Variants in TRIM45 observed in about 807,000 individuals in gnomAD.
The protein encoded by TRIM45 is tripartite motif containing 45.
In TRIM45, 45 loss-of-function variants were observed where a neutral mutation model predicts 46.7. That is an observed-to-expected ratio of 0.96 (90% confidence interval 0.76 to 1.24). The LOEUF is 1.24. Ranked by LOEUF, TRIM45 falls within the 50% of genes most tolerant of loss-of-function variation. The pLI, the probability that TRIM45 is intolerant of heterozygous loss-of-function variation, is 0.00. For missense variants in TRIM45, 680 were observed against 728.4 expected, an observed-to-expected ratio of 0.93 and a Z score of 0.77; for synonymous variants, 259 against 285.8, an observed-to-expected ratio of 0.91 and a Z score of 0.94.
In TRIM45 at chr1:117,121,052, G is replaced by A. The variant is rs1224280227; in HGVS notation, c.150C>T (p.Thr50=). 6.2e-7 allele frequency: 1 copy of A among 1,614,026 alleles called. No homozygotes were observed. Among genetic ancestry groups the A allele is most frequent in the Admixed American group, 1.7e-5 (1 of 60,012 alleles). ...RLLPCLHTVC[T]TCLEQLEPFS... ...AGGGCTCCAGCTGCTCCAGACACGT[G>A]GTGCAAACTGTATGCAAACAAGGCA... The change falls in exon 1 of 6, where the codon ACC becomes ACT. Residue 50 remains threonine (T), a synonymous_variant. Coordinates refer to ENST00000256649, the MANE Select transcript of TRIM45 (RefSeq NM_025188.4). The surrounding 1 kb of genome is among the most constrained non-coding windows in gnomAD (Gnocchi z 4.2).
At chr1:117,120,643 C>G (rs1261252274) in intron 1 of TRIM45, 71 bp downstream of exon 1, 12 of 1,519,326 alleles carry the variant, frequency 7.9e-6, no homozygotes, top group Admixed American at 6.6e-5. Flanking sequence ...ATCTGCTCAC[C>G]GAGGGATTTG....
Position 117,115,731 on chromosome 1 carries a change from G to A in TRIM45, c.1353-42C>T. On this transcript the variant is annotated intron_variant, in intron 3 of 5. Transcript: ENST00000256649. This position sits in a 1 kb window ranked among gnomAD's most constrained non-coding sequence, Gnocchi z 4.2. Reference sequence around the variant, plus strand: ...GTCAAAACACCACTCACTTCCACAAGCTGGCTTCAGTTGCTACTATTTCAG... The same window carrying A: ...GTCAAAACACCACTCACTTCCACAAACTGGCTTCAGTTGCTACTATTTCAG... The A allele has an allele frequency of 2.1e-6, 3 of 1,406,448 alleles. No individual in the cohort carries two copies. Among genetic ancestry groups the A allele is most frequent in the Non-Finnish European group, 3.0e-6 (3 of 991,288 alleles). The allele number at this position is 1,406,448 out of a possible 1,614,324, so 87.1% of individuals were successfully genotyped here. A position where few individuals can be genotyped will look rare whatever the true frequency, so the allele number is the denominator to read the frequency against.
At chr1:117,119,646 T>C (rs911761913) in intron 1 of TRIM45, among the ~76,000 whole-genome samples, 2 of 151,496 alleles carry the variant, frequency 1.3e-5, no homozygotes, top group African/African-American at 4.9e-5. Flanking sequence ...GTGAAACCAA[T>C]GGTTAGTAGA....
chr1:117,116,994 T>C lies in TRIM45; in HGVS notation c.1223-249A>G, dbSNP rs1049257394. Among the ~76,000 whole-genome samples the C allele has an allele frequency of 2.6e-5, 4 of 152,058 alleles. No homozygotes were observed. Among genetic ancestry groups the C allele is most frequent in the Non-Finnish European group, 5.9e-5 (4 of 67,988 alleles). ...TGGACCTTACCTTCAGTCCTAGGAC[T>C]GAAGGTCCTATGCTTTAAAAATACT... is the stretch of plus-strand genomic sequence containing the variant. On this transcript the variant is annotated intron_variant, in intron 2 of 5. Coordinates refer to ENST00000256649, the MANE Select transcript of TRIM45 (RefSeq NM_025188.4). This position sits in a 1 kb window ranked among gnomAD's most constrained non-coding sequence, Gnocchi z 4.6.
Position 117,117,990 on chromosome 1 carries a change from C to T in TRIM45, c.1222+44G>A, listed in dbSNP as rs192249503. Reference sequence around the variant, plus strand: ...GCCACCAATCTTCACACACCACCTCCCTGTCCACTGCCCTCTCAATGTCAA... The same window carrying T: ...GCCACCAATCTTCACACACCACCTCTCTGTCCACTGCCCTCTCAATGTCAA... On this transcript the variant is annotated intron_variant, in intron 2 of 5. Coordinates refer to ENST00000256649, the MANE Select transcript of TRIM45 (RefSeq NM_025188.4). This position sits in a 1 kb window ranked among gnomAD's most constrained non-coding sequence, Gnocchi z 4.9. 325 of 1,582,030 alleles carry T rather than the reference C, an allele frequency of 2.1e-4. No individual in the cohort carries two copies. Among genetic ancestry groups the T allele is most frequent in the Non-Finnish European group, 2.7e-4 (310 of 1,164,130 alleles).
rs200363843 is a variant in TRIM45 at position 117,118,705 on chromosome 1, C to T, written c.551G>A (p.Arg184Gln). ...VDLKDLKGYS[R>Q]IGKPILCPVH... ...AGGACACAGGATGGGCTTCCCAATC[C>T]GGCTGTAGCCTTTCAAGTCTTTTAG... The change falls in exon 2 of 6, where the codon CGG becomes CAG. Residue 184 changes from arginine (R) to glutamine (Q), a missense_variant. By Grantham distance (43) the Arg-to-Gln change is conservative. This residue lies in a region of TRIM45 where 349 missense variants were observed against 343.6 expected (regional missense o/e 1.02). Coordinates refer to ENST00000256649, the MANE Select transcript of TRIM45 (RefSeq NM_025188.4). This position sits in a 1 kb window ranked among gnomAD's most constrained non-coding sequence, Gnocchi z 5.7. 6.7e-5 allele frequency: 108 copies of T among 1,613,722 alleles called. 1 individual carries two copies. Among genetic ancestry groups the T allele is most frequent in the Admixed American group, 1.0e-4 (6 of 60,026 alleles).
At position 117,120,546 on chromosome 1, in the gene TRIM45, G is replaced by A. The variant is rs191242733; in HGVS notation, c.488+168C>T. ...TATTAGGTACTATATTAGGCTAACC[G>A]GGTTAACTGTTGTACTGGAGTATTT... On this transcript the variant is annotated intron_variant, in intron 1 of 5. Transcript: ENST00000256649. Among the ~76,000 whole-genome samples the A allele has an allele frequency of 2.7e-3, 404 of 152,302 alleles. 1 individual carries two copies. The highest frequency in any genetic ancestry group is 4.6e-3 in the Non-Finnish European group (311 of 68,028).
Position 117,115,515 on chromosome 1 carries a change from C to A in TRIM45, c.1467+60G>T. 1 of 1,192,570 alleles carries A rather than the reference C, an allele frequency of 8.4e-7. No individual in the cohort carries two copies. The highest frequency in any genetic ancestry group is 1.3e-6 in the Non-Finnish European group (1 of 798,016). The allele number at this position is 1,192,570 out of a possible 1,614,324, so 73.9% of individuals were successfully genotyped here. The stretch of plus-strand genomic sequence containing the variant: ...GTATAGCTGATCCTATGTGAAATGT[C>A]TCCAGATCCTAAGACAGTAGAATCC... On this transcript the variant is annotated intron_variant, in intron 4 of 5. Transcript: ENST00000256649. This position sits in a 1 kb window ranked among gnomAD's most constrained non-coding sequence, Gnocchi z 4.2.
At chr1:117,114,542 T>G (rs567864048) in intron 4 of TRIM45, among the ~76,000 whole-genome samples, 2 of 152,364 alleles carry the variant, frequency 1.3e-5, no homozygotes, top group East Asian at 3.9e-4. Flanking sequence ...ACAGAGAACC[T>G]AGCACCTTAG....
At position 117,115,433 on chromosome 1, in the gene TRIM45, A is replaced by C; in HGVS notation, c.1467+142T>G. On this transcript the variant is annotated intron_variant, in intron 4 of 5. Transcript: ENST00000256649. This position sits in a 1 kb window ranked among gnomAD's most constrained non-coding sequence, Gnocchi z 4.2. Reference sequence around the variant, plus strand: ...CCTCCAGGAAGAATAAGAGTAGCAAAATCTGGGCTGTTTCTAAAGTGAAGA... The same window carrying C: ...CCTCCAGGAAGAATAAGAGTAGCAACATCTGGGCTGTTTCTAAAGTGAAGA... The C allele has an allele frequency of 1.6e-6, 1 of 630,462 alleles. No homozygotes were observed. Among genetic ancestry groups the C allele is most frequent in the Non-Finnish European group, 2.8e-6 (1 of 356,324 alleles). The allele number at this position is 630,462 out of a possible 1,614,324, so 39.1% of individuals were successfully genotyped here. A position where few individuals can be genotyped will look rare whatever the true frequency, so the allele number is the denominator to read the frequency against.
chr1:117,115,521 A>C lies in TRIM45; in HGVS notation c.1467+54T>G, dbSNP rs1466767574. On this transcript the variant is annotated intron_variant, in intron 4 of 5. Transcript: ENST00000256649. This position sits in a 1 kb window ranked among gnomAD's most constrained non-coding sequence, Gnocchi z 4.2. The stretch of plus-strand genomic sequence containing the variant: ...CTGATCCTATGTGAAATGTCTCCAG[A>C]TCCTAAGACAGTAGAATCCAGGGAG... 5 of 1,248,042 alleles carry C rather than the reference A, an allele frequency of 4.0e-6. No individual in the cohort carries two copies. The allele number at this position is 1,248,042 out of a possible 1,614,324, so 77.3% of individuals were successfully genotyped here.
At chr1:117,121,988 G>T, upstream of TRIM45, 1 of 602,080 alleles carries the variant, frequency 1.7e-6, no homozygotes. This position sits in a 1 kb window ranked among gnomAD's most constrained non-coding sequence, Gnocchi z 4.2. Flanking sequence ...GCCAAGGCTC[G>T]GAGCGAGCGG....
chr1:117,121,732 A>C lies in TRIM45; in HGVS notation c.-531T>G. 3.3e-6 allele frequency: 2 copies of C among 606,326 alleles called. No homozygotes were observed. The highest frequency in any genetic ancestry group is 6.0e-6 in the Non-Finnish European group (2 of 332,422). The allele number at this position is 606,326 out of a possible 1,614,324, so 37.6% of individuals were successfully genotyped here. A position where few individuals can be genotyped will look rare whatever the true frequency, so the allele number is the denominator to read the frequency against. On this transcript the variant is annotated 5_prime_UTR_variant, in exon 1 of 6. Coordinates refer to ENST00000256649, the MANE Select transcript of TRIM45 (RefSeq NM_025188.4). This position sits in a 1 kb window ranked among gnomAD's most constrained non-coding sequence, Gnocchi z 4.2. ...CGCCTCTCCCGCGCCTCGGCCCGGGACGCCCGCGGGCTCTGGCCCCTCCTC... is the reference window on the plus strand; with the variant it reads ...CGCCTCTCCCGCGCCTCGGCCCGGGCCGCCCGCGGGCTCTGGCCCCTCCTC...
At chr1:117,114,278 T>G (rs1351986331) in intron 4 of TRIM45, among the ~76,000 whole-genome samples, 1 of 152,248 alleles carries the variant, frequency 6.6e-6, no homozygotes, top group Non-Finnish European at 1.5e-5. Flanking sequence ...AGGATAACTT[T>G]CGTTCTCTAA....
rs763743768 is a variant in TRIM45, at chr1:117,113,418, G to T, written c.1535C>A (p.Thr512Asn). ...TTTCTGGCCCCCGCTGGAGCAGAAG[G>T]TGCAGCAGTGAAACACGCCTGAGTG... is the stretch of plus-strand genomic sequence containing the variant. The part of the protein sequence containing the change: ...RPHSGVFHCC[T>N]FCSSGGQKTA... The change falls in exon 5 of 6, where the codon ACC becomes AAC. Residue 512 changes from threonine (T) to asparagine (N), a missense_variant. Physicochemically the swap from Thr to Asn is moderately conservative, Grantham distance 65. This residue lies in a region of TRIM45 where 322 missense variants were observed against 359.3 expected (regional missense o/e 0.90). Transcript: ENST00000256649. The surrounding 1 kb of genome is among the most constrained non-coding windows in gnomAD (Gnocchi z 4.0). The T allele has an allele frequency of 1.9e-6, 3 of 1,612,544 alleles. No homozygotes were observed. The highest frequency in any genetic ancestry group is 2.5e-6 in the Non-Finnish European group (3 of 1,179,974).
rs776955072 is a variant in TRIM45, at chr1:117,118,035, T to C, written c.1221A>G (p.Glu407=). 1.7e-5 allele frequency: 28 copies of C among 1,611,218 alleles called. No individual in the cohort carries two copies. Among genetic ancestry groups the C allele is most frequent in the Non-Finnish European group, 2.1e-5 (25 of 1,178,362 alleles). The change falls in exon 2 of 6, where the codon GAA becomes GAG. Residue 407 remains glutamate (E), a splice_region_variant and synonymous_variant. Transcript: ENST00000256649. The surrounding 1 kb of genome is among the most constrained non-coding windows in gnomAD (Gnocchi z 5.7). ...VDPAKCVLQG[E]DLHRAREKQT... ...TGTCAATGGGAAATGCCTTCCTACC[T>C]TCTCCTTGTAGGACACATTTGGCTG...
rs939286656 is a variant in TRIM45 at position 117,116,852 on chromosome 1, AC to A, written c.1223-108del. On this transcript the variant is annotated intron_variant, in intron 2 of 5. Transcript: ENST00000256649. This position sits in a 1 kb window ranked among gnomAD's most constrained non-coding sequence, Gnocchi z 4.6. ...CAAAGGGTTGTACTTTACTGTAACC[AC>A]CCTGGGTCCCTTTGTTTTCTCTTCC... 2.0e-6 allele frequency: 3 copies of A among 1,470,632 alleles called. No homozygotes were observed. In the African/African-American group the frequency reaches 4.2e-5, roughly 21 times the overall value. 91.1% of individuals were successfully genotyped at this position (1,470,632 alleles called of 1,614,324 possible). A position where few individuals can be genotyped will look rare whatever the true frequency, so the allele number is the denominator to read the frequency against.
In TRIM45 at chr1:117,116,772, A is replaced by T. The variant is rs1334471087; in HGVS notation, c.1223-27T>A. 1 of 1,613,362 alleles carries T rather than the reference A, an allele frequency of 6.2e-7. No homozygotes were observed. The highest frequency in any genetic ancestry group is 8.5e-7 in the Non-Finnish European group (1 of 1,179,538). On this transcript the variant is annotated intron_variant, in intron 2 of 5. Coordinates refer to ENST00000256649, the MANE Select transcript of TRIM45 (RefSeq NM_025188.4). This position sits in a 1 kb window ranked among gnomAD's most constrained non-coding sequence, Gnocchi z 4.6. ...TGAAAAAGATAAACACTCGGTCCTC[A>T]CCTCGAATGTAAACTGCAGTGACTA...
rs1650402896 is a variant in TRIM45, at chr1:117,116,464, C to G, written c.1352+152G>C. 1 of 1,040,466 alleles carries G rather than the reference C, an allele frequency of 9.6e-7. No individual in the cohort carries two copies. Among genetic ancestry groups the G allele is most frequent in the African/African-American group, 1.6e-5 (1 of 62,600 alleles). 64.5% of individuals were successfully genotyped at this position (1,040,466 alleles called of 1,614,324 possible). A position where few individuals can be genotyped will look rare whatever the true frequency, so the allele number is the denominator to read the frequency against. ...ATGTTGCCCAGGCTGGTCTTGAACT[C>G]TTGGGCTTAAGCGATCCTCCTGCCT... On this transcript the variant is annotated intron_variant, in intron 3 of 5. Transcript: ENST00000256649. The surrounding 1 kb of genome is among the most constrained non-coding windows in gnomAD (Gnocchi z 4.6).
Sources: gnomAD v4.1 joint callset for allele counts (sites outside exome capture counted in the v4.1 genomes callset) on GRCh38, gnomAD v4.1.1 for gene constraint, gnomAD v4.1.1 regional missense constraint, Gnocchi (gnomAD v3.1) non-coding constraint, MANE v1.5 for transcripts, NCBI Gene and HGNC (gene_info 2026-07-23, HGNC 2026-07-21) for gene names.